The following ASXL2 variants were observed in gnomAD, a reference collection of about 807,000 sequenced individuals.
ASXL2 encodes the protein ASXL transcriptional regulator 2, also known as putative Polycomb group protein ASXL2.
A neutral mutation model predicts 122.0 loss-of-function variants in ASXL2; 23 were observed. The ratio of observed to expected loss-of-function variants is 0.19; its 90% CI spans 0.14 to 0.27. The LOEUF (loss-of-function observed/expected upper bound fraction) is 0.27, where lower values mean the gene tolerates loss of function less well. Ranked by LOEUF, ASXL2 falls within the 10% of genes least tolerant of loss-of-function variation. The probability of loss-of-function intolerance (pLI) is 1.00; values close to 1 mark genes in which losing one functional copy is unlikely to be tolerated. For missense variants in ASXL2, 1,518 were observed against 1,713.8 expected (o/e 0.89, Z 2.02); for synonymous variants, 650 against 637.0 (o/e 1.02, Z -0.31).
At chr2:25,829,779 G>A (rs990884951) in intron 3 of ASXL2, among the ~76,000 whole-genome samples, 2 of 152,176 alleles carry the variant, frequency 1.3e-5, no homozygotes, top group African/African-American at 4.8e-5. Flanking sequence ...TAGACTAGGG[G>A]AGGCCAAATG....
chr2:25,752,851 A>G (rs902336532), intron 11 of ASXL2, among the ~76,000 whole-genome samples: 3 of 132,990 alleles, frequency 2.3e-5, no homozygotes, highest in Non-Finnish European at 3.3e-5. Context: ...GTCTCAAAAA[A>G]AGAAAAAAAA....
intron 3 of ASXL2, among the ~76,000 whole-genome samples, chr2:25,811,055 TAC>T (rs34006530): frequency 0.11 from 12,336 of 116,280 alleles, 1,464 homozygotes; most frequent in East Asian, 0.57. Context: ...AATACAAAAA[TAC>T]ACACACACAC....
chr2:25,743,399 C>T lies in ASXL2; in HGVS notation c.2938G>A (p.Val980Ile), dbSNP rs1158110903. 6.2e-7 allele frequency: 1 copy of T among 1,613,818 alleles called. No homozygotes were observed. Among genetic ancestry groups the T allele is most frequent in the Non-Finnish European group, 8.5e-7 (1 of 1,179,904 alleles). The change falls in exon 13 of 13, where the codon GTT (valine) becomes ATT (isoleucine). Residue 980 changes from valine (V) to isoleucine (I), a missense_variant. By Grantham distance (29) the Val-to-Ile change is conservative (BLOSUM62 3). Around this residue, in one of 8 missense-constraint regions of ASXL2, gnomAD observed 831 missense variants for 833.1 expected, o/e 1.00. Transcript: ENST00000435504. ...KPLTKVEMKT[V>I]PLTAKEERGM... ...CTTTCCTCTTTTGCAGTCAGTGGAA[C>T]CGTTTTCATTTCAACTTTGGTGAGA...
chr2:25,767,701 A>G lies in ASXL2; in HGVS notation c.657T>C (p.Asp219=). Residue 219 remains aspartate (D), a synonymous_variant, in exon 8 of 13, where the codon GAT becomes GAC. Coordinates refer to ENST00000435504, the MANE Select transcript of ASXL2 (RefSeq NM_018263.6). ...KPATWEGKQS[D]GQTGSPQNSN... ...AGTTTTGAGGGCTGCCTGTCTGTCC[A>G]TCAGATTGCTTTCCTTCCCATGTTG... 6.2e-7 allele frequency: 1 copy of G among 1,613,976 alleles called. No homozygotes were observed. The highest frequency in any genetic ancestry group is 1.3e-5 in the African/African-American group (1 of 75,052).
At chr2:25,796,862 T>G (rs2088918333) in intron 5 of ASXL2, among the ~76,000 whole-genome samples, 1 of 152,056 alleles carries the variant, frequency 6.6e-6, no homozygotes, top group Non-Finnish European at 1.5e-5. Context: ...AAATCAAAAT[T>G]AAATTCCTAA....
chr2:25,845,293 T>A, intron 2 of ASXL2, 188 bp downstream of exon 2: 1 of 1,004,794 alleles, frequency 1.0e-6, no homozygotes, highest in Non-Finnish European at 1.5e-6. Context: ...TTTAAAACCT[T>A]CTGGTTTAAA....
In ASXL2 at chr2:25,878,345, C is replaced by CG. The variant is rs946617617; in HGVS notation, c.-124dup. 1.5e-4 allele frequency: 130 copies of CG among 874,318 alleles called. No individual in the cohort carries two copies. The highest frequency in any genetic ancestry group is 1.2e-4 in the East Asian group (4 of 34,452). 54.2% of individuals were successfully genotyped at this position (874,318 alleles called of 1,614,324 possible). On this transcript the variant is annotated 5_prime_UTR_variant, in exon 1 of 13. The change abolishes the stop of an existing upstream ORF in the 5' untranslated region. Transcript: ENST00000435504. ...AGGTGGGAGAAAAGGGAAGTCAGACCGGGGGGGCACCCAAGCAGAGGAAGC... is the reference window on the plus strand; with the variant it reads ...AGGTGGGAGAAAAGGGAAGTCAGACCGGGGGGGGCACCCAAGCAGAGGAAGC...
In ASXL2 at chr2:25,826,727, G is replaced by A. The variant is rs2089381996; in HGVS notation, c.143+8811C>T. On this transcript the variant is annotated intron_variant, in intron 3 of 12. Coordinates refer to ENST00000435504, the MANE Select transcript of ASXL2 (RefSeq NM_018263.6). ...TTTATCCTTCAAAGCTCAATCCCTT[G>A]AACTTCAATAGGATTAAATAATAGA... Among the ~76,000 whole-genome samples, 3 of 101,148 alleles carry A rather than the reference G, an allele frequency of 3.0e-5. No individual in the cohort carries two copies. In the South Asian group the frequency reaches 1.0e-3, roughly 34 times the overall value. The allele number at this position is 101,148 out of a possible 152,430, so 66.4% of individuals were successfully genotyped here. A position where few individuals can be genotyped will look rare whatever the true frequency, so the allele number is the denominator to read the frequency against.
At chr2:25,797,042 G>C (rs1574421352) in intron 5 of ASXL2, among the ~76,000 whole-genome samples, 1 of 152,132 alleles carries the variant, frequency 6.6e-6, no homozygotes, top group Admixed American at 6.5e-5. Flanking sequence ...ATGACTTTTA[G>C]ATACAAGACC....
chr2:25,806,681 AACAC>A (rs2089087406), intron 3 of ASXL2, among the ~76,000 whole-genome samples: 1 of 152,190 alleles, frequency 6.6e-6, no homozygotes, highest in Non-Finnish European at 1.5e-5. Flanking sequence ...AAAGAACACA[AACAC>A]ACACAGATTC....
rs755297807 is a variant in ASXL2 at position 25,742,751 on chromosome 2, T to C, written c.3586A>G (p.Lys1196Glu). The C allele has an allele frequency of 1.9e-6, 3 of 1,614,010 alleles. No individual in the cohort carries two copies. In the South Asian group the frequency reaches 3.3e-5, roughly 18 times the overall value. ...TGDEQESVTVKEEPQVSQSAG... is the reference protein window; with the variant it reads ...TGDEQESVTVEEEPQVSQSAG... ...CTCTGGGAAACCTGGGGCTCCTCTTTCACTGTGACAGATTCCTGCTCATCA... is the reference window on the plus strand; with the variant it reads ...CTCTGGGAAACCTGGGGCTCCTCTTCCACTGTGACAGATTCCTGCTCATCA... Residue 1196 changes from lysine (K) to glutamate (E), a missense_variant, in exon 13 of 13, where the codon AAA (lysine) becomes GAA (glutamate). Around this residue, in one of 8 missense-constraint regions of ASXL2, gnomAD observed 831 missense variants for 833.1 expected, o/e 1.00. Coordinates refer to ENST00000435504, the MANE Select transcript of ASXL2 (RefSeq NM_018263.6).
At chr2:25,786,259 T>TTTTTTTTTTTTTTTTTATG (rs1574416043) in intron 5 of ASXL2, among the ~76,000 whole-genome samples, 1 of 128,936 alleles carries the variant, frequency 7.8e-6, no homozygotes. Context: ...TTTTTTTTTT[T>TTTTTTTTTTTTTTTTTATG]GAGATGGAGT....
chr2:25,737,896 T>C lies in ASXL2; in HGVS notation c.*4133A>G, dbSNP rs1000813059. On this transcript the variant is annotated 3_prime_UTR_variant, in exon 13 of 13. Coordinates refer to ENST00000435504, the MANE Select transcript of ASXL2 (RefSeq NM_018263.6). ...TCAATTCCAATGTTAACAATTCCTT[T>C]AAAAAGGCAAAAGACACAAAAGTTT... 5.3e-5 allele frequency: 8 copies of C among 152,138 alleles called. No individual in the cohort carries two copies. Among genetic ancestry groups the C allele is most frequent in the African/African-American group, 1.9e-4 (8 of 41,438 alleles). 9.4% of individuals were successfully genotyped at this position (152,138 alleles called of 1,614,324 possible).
chr2:25,767,614 C>T lies in ASXL2; in HGVS notation c.744G>A (p.Lys248=). Residue 248 remains lysine, a synonymous_variant, in exon 8 of 13, where the codon AAG becomes AAA. Coordinates refer to ENST00000435504, the MANE Select transcript of ASXL2 (RefSeq NM_018263.6). ...GGAGTCTCTCAGATCTCTGGAATGA[C>T]TTCTTCCCCAAGCCTAGTAAAGTAT... The part of the protein sequence containing the change: ...VENTLLGLGK[K]SFQRSERLHT... 1.2e-6 allele frequency: 2 copies of T among 1,613,944 alleles called. No individual in the cohort carries two copies. The highest frequency in any genetic ancestry group is 1.7e-6 in the Non-Finnish European group (2 of 1,179,842).
intron 6 of ASXL2, 77 bp downstream of exon 6, chr2:25,771,363 A>C (rs2088450443): frequency 7.4e-7 from 1 of 1,349,806 alleles, no homozygotes; most frequent in Non-Finnish European, 1.0e-6. Flanking sequence ...TTTTCAAAAA[A>C]TATCCGATGA....
At chr2:25,862,794 T>G (rs1159426714) in intron 1 of ASXL2, among the ~76,000 whole-genome samples, 1 of 151,312 alleles carries the variant, frequency 6.6e-6, no homozygotes, top group Non-Finnish European at 1.5e-5. Flanking sequence ...TCAGTAGACA[T>G]AGGGTTTCAC....
At chr2:25,773,964 A>G (rs1023734413) in intron 5 of ASXL2, among the ~76,000 whole-genome samples, 2 of 152,052 alleles carry the variant, frequency 1.3e-5, no homozygotes, top group Non-Finnish European at 2.9e-5. Flanking sequence ...TGGGAGGCGG[A>G]GGTTGCAGTA....
intron 3 of ASXL2, among the ~76,000 whole-genome samples, chr2:25,825,221 T>C (rs1479398847): frequency 6.6e-6 from 1 of 152,250 alleles, no homozygotes; most frequent in African/African-American, 2.4e-5. Context: ...ATGTTCTCTA[T>C]TTCCTACTAA....
chr2:25,770,122 A>G (rs1433325933), intron 6 of ASXL2, among the ~76,000 whole-genome samples: 1 of 152,268 alleles, frequency 6.6e-6, no homozygotes, highest in Non-Finnish European at 1.5e-5. Context: ...CACAGGACAC[A>G]TGTAATTTCA....
Sources: allele counts gnomAD v4.1 joint callset (sites outside exome capture counted in the v4.1 genomes callset), GRCh38; gene constraint gnomAD v4.1.1; regional missense constraint gnomAD v4.1.1; transcripts MANE v1.5; gene names NCBI Gene and HGNC (gene_info 2026-07-23, HGNC 2026-07-21).